Variants in REDIC1 observed in about 807,000 individuals in gnomAD.
REDIC1 encodes the protein regulator of DNA class I crossover intermediates 1, also known as HEI10 Interacting Protein 1.
the REDIC1 span, chr12:39,721,516 G>A: frequency 0.024 from 7,953 of 331,670 alleles, 137 homozygotes; most frequent in South Asian, 0.04. Context: ...ATGTACTAGC[G>A]TTTTTATGTG....
chr12:39,810,393 C>T, the REDIC1 span, among the ~76,000 whole-genome samples: 1 of 152,030 alleles, frequency 6.6e-6, no homozygotes, highest in Non-Finnish European at 1.5e-5. Context: ...TTGTTACATT[C>T]ATTTATTTAT....
the REDIC1 span, among the ~76,000 whole-genome samples, chr12:39,724,037 A>G: frequency 6.6e-6 from 1 of 152,094 alleles, no homozygotes; most frequent in African/African-American, 2.4e-5. Flanking sequence ...CTGCCAGTGC[A>G]TGACTCATTT....
At chr12:39,797,102 G>GT in the REDIC1 span, among the ~76,000 whole-genome samples, 420 of 152,222 alleles carry the variant, frequency 2.8e-3, 1 homozygote, top group African/African-American at 9.8e-3. Context: ...CTATTCAACA[G>GT]TAAGTACTGG....
the REDIC1 span, chr12:39,716,631 A>C: frequency 1.6e-6 from 1 of 620,174 alleles, no homozygotes; most frequent in East Asian, 3.5e-5. Flanking sequence ...TAATTTTGGT[A>C]CATTTTAAAG....
the REDIC1 span, among the ~76,000 whole-genome samples, chr12:39,902,033 T>G: frequency 6.6e-6 from 1 of 152,052 alleles, no homozygotes; most frequent in Non-Finnish European, 1.5e-5. Flanking sequence ...TGAGTTCATG[T>G]CCTTTGTAGG....
chr12:39,714,726 A>G, the REDIC1 span, among the ~76,000 whole-genome samples: 2 of 151,590 alleles, frequency 1.3e-5, no homozygotes, highest in Admixed American at 6.6e-5. Context: ...ACCAACATCT[A>G]CAGTTTTTTT....
the REDIC1 span, among the ~76,000 whole-genome samples, chr12:39,641,554 T>C: frequency 6.6e-6 from 1 of 151,554 alleles, no homozygotes; most frequent in Non-Finnish European, 1.5e-5. Flanking sequence ...CCAACATCCA[T>C]TAGCAGTAGA....
chr12:39,813,158 T>C, the REDIC1 span, among the ~76,000 whole-genome samples: 3 of 151,878 alleles, frequency 2.0e-5, no homozygotes, highest in South Asian at 6.3e-4. Context: ...AGTATTACTT[T>C]TGCCCTCCCT....
the REDIC1 span, among the ~76,000 whole-genome samples, chr12:39,628,632 A>AT: frequency 1.3e-5 from 2 of 152,136 alleles, no homozygotes; most frequent in African/African-American, 4.8e-5. Context: ...CAGCAAATAT[A>AT]TTTTTTACCT....
the REDIC1 span, among the ~76,000 whole-genome samples, chr12:39,686,834 G>C: frequency 3.9e-5 from 6 of 152,154 alleles, no homozygotes; most frequent in African/African-American, 1.4e-4. Flanking sequence ...GAACATAGGT[G>C]GTTCTTATGA....
the REDIC1 span, among the ~76,000 whole-genome samples, chr12:39,816,469 T>C: frequency 1.4e-3 from 212 of 148,326 alleles, 1 homozygote; most frequent in African/African-American, 4.8e-3. Flanking sequence ...TTAGGAGATA[T>C]ACCTAATGTA....
chr12:39,857,393 GC>G, the REDIC1 span, among the ~76,000 whole-genome samples: 1 of 152,068 alleles, frequency 6.6e-6, no homozygotes, highest in Non-Finnish European at 1.5e-5. Flanking sequence ...TATTCCTCTT[GC>G]CCTAAGTATT....
At chr12:39,756,575 A>T in the REDIC1 span, 1 of 151,900 alleles carries the variant, frequency 6.6e-6, no homozygotes, top group South Asian at 2.1e-4. Flanking sequence ...AAATTCTGAG[A>T]CTTTCTTAGA....
At chr12:39,896,044 ACG>A in the REDIC1 span, among the ~76,000 whole-genome samples, 1 of 146,328 alleles carries the variant, frequency 6.8e-6, no homozygotes, top group Non-Finnish European at 1.5e-5. Context: ...ATGTTTATAT[ACG>A]CATGTATATA....
the REDIC1 span, among the ~76,000 whole-genome samples, chr12:39,894,007 G>C: frequency 1.3e-5 from 2 of 152,134 alleles, no homozygotes; most frequent in African/African-American, 2.4e-5. Flanking sequence ...CAAAAAGCTA[G>C]ACAATATACC....
At chr12:39,781,176 T>C in the REDIC1 span, among the ~76,000 whole-genome samples, 1 of 152,352 alleles carries the variant, frequency 6.6e-6, no homozygotes, top group Admixed American at 6.5e-5. Flanking sequence ...ACTGTAAAAC[T>C]GAGAAAATCT....
the REDIC1 span, among the ~76,000 whole-genome samples, chr12:39,849,248 T>A: frequency 6.6e-6 from 1 of 152,024 alleles, no homozygotes; most frequent in African/African-American, 2.4e-5. Context: ...TATATATGAT[T>A]GCAAATTGGT....
the REDIC1 span, among the ~76,000 whole-genome samples, chr12:39,836,427 A>C: frequency 1.3e-5 from 2 of 152,192 alleles, no homozygotes; most frequent in Non-Finnish European, 2.9e-5. Context: ...GAAAATCGGC[A>C]TAAGACAGGG....
the REDIC1 span, among the ~76,000 whole-genome samples, chr12:39,851,765 G>A: frequency 6.6e-6 from 1 of 152,156 alleles, no homozygotes; most frequent in Non-Finnish European, 1.5e-5. Flanking sequence ...TGAGCTTTGA[G>A]TCATTGATCA....
Sources: allele counts gnomAD v4.1 joint callset (sites outside exome capture counted in the v4.1 genomes callset), GRCh38; gene constraint gnomAD v4.1.1; transcripts MANE v1.5; gene names NCBI Gene and HGNC (gene_info 2026-07-23, HGNC 2026-07-21).